TOP1MT: variants seen among roughly 807,000 people sequenced by gnomAD.
TOP1MT encodes the protein DNA topoisomerase I mitochondrial.
In TOP1MT, 80 loss-of-function variants were observed where a neutral mutation model predicts 73.9. The observed-to-expected ratio is 1.08, with a 90% CI of 0.90 to 1.30. The LOEUF (loss-of-function observed/expected upper bound fraction) is 1.30, where lower values mean the gene tolerates loss of function less well. TOP1MT is among the 50% of genes most tolerant of loss of function. TOP1MT has a pLI of 0.00. For missense variants in TOP1MT, 815 were observed against 808.0 expected (o/e 1.01, Z -0.10); for synonymous variants, 338 against 326.4 (o/e 1.04, Z -0.38).
intron 4 of TOP1MT, among the ~76,000 whole-genome samples, 167 bp downstream of exon 4, chr8:143,326,055 C>A (rs918530336): frequency 3.3e-5 from 5 of 152,204 alleles, no homozygotes; most frequent in African/African-American, 7.2e-5. Flanking sequence ...TCTGGGGAAG[C>A]GGAACGACAC....
intron 8 of TOP1MT, among the ~76,000 whole-genome samples, chr8:143,320,437 T>A (rs947290287): frequency 6.6e-5 from 10 of 152,214 alleles, no homozygotes; most frequent in African/African-American, 2.4e-4. Flanking sequence ...GCTGTTTTTT[T>A]AAATTATTAT....
chr8:143,314,377 C>T (rs1816094789), intron 12 of TOP1MT, among the ~76,000 whole-genome samples: 2 of 152,124 alleles, frequency 1.3e-5, no homozygotes, highest in Admixed American at 6.6e-5. Flanking sequence ...GCAGGAGGAT[C>T]ACTTGAGGCC....
At chr8:143,338,583 T>TA (rs1252958758), upstream of TOP1MT, among the ~76,000 whole-genome samples, 1 of 151,964 alleles carries the variant, frequency 6.6e-6, no homozygotes, top group Non-Finnish European at 1.5e-5. Context: ...AAAAAAATGT[T>TA]AATTTTAAAA....
At chr8:143,359,015 G>T (rs1048600398), upstream of TOP1MT, among the ~76,000 whole-genome samples, 32 of 129,900 alleles carry the variant, frequency 2.5e-4, no homozygotes, top group Middle Eastern at 3.6e-3. Flanking sequence ...CTGTTTTTTG[G>T]TTTTTTTTTT....
intron 1 of TOP1MT, among the ~76,000 whole-genome samples, chr8:143,354,096 C>T (rs1007667722): frequency 6.6e-6 from 1 of 151,090 alleles, no homozygotes; most frequent in Non-Finnish European, 1.5e-5. Context: ...CAGACAAACA[C>T]TTATAAAGAA....
chr8:143,350,687 A>T (rs1817306184), intron 1 of TOP1MT, among the ~76,000 whole-genome samples: 1 of 152,248 alleles, frequency 6.6e-6, no homozygotes, highest in Non-Finnish European at 1.5e-5. Flanking sequence ...CGGAGTGCTC[A>T]AATTCCCTAA....
At position 143,309,439 on chromosome 8, in the gene TOP1MT, C is replaced by T. The variant is rs766705958; in HGVS notation, c.*2G>A. 3 of 1,613,364 alleles carry T rather than the reference C, an allele frequency of 1.9e-6. No homozygotes were observed. The highest frequency in any genetic ancestry group is 1.3e-5 in the African/African-American group (1 of 75,048). On this transcript the variant is annotated 3_prime_UTR_variant, in exon 14 of 14. Transcript: ENST00000329245. ...CAAAAGAAGTTTCAACACGGCTCGT[C>T]GTTAGAATTCAAAGTCTTCTCCTGC...
chr8:143,358,136 A>T (rs1336144493), upstream of TOP1MT, among the ~76,000 whole-genome samples: 1 of 152,218 alleles, frequency 6.6e-6, no homozygotes, highest in Non-Finnish European at 1.5e-5. Context: ...CACAGTAAAT[A>T]AAAGGCTGGA....
upstream of TOP1MT, among the ~76,000 whole-genome samples, chr8:143,356,263 G>A (rs1334935703): frequency 6.6e-6 from 1 of 152,146 alleles, no homozygotes; most frequent in African/African-American, 2.4e-5. Context: ...AGCCGTCAAA[G>A]GATTCCAGGT....
chr8:143,331,038 C>A (rs1049216281), intron 2 of TOP1MT, among the ~76,000 whole-genome samples, 186 bp downstream of exon 2: 1 of 152,184 alleles, frequency 6.6e-6, no homozygotes, highest in Non-Finnish European at 1.5e-5. Context: ...AGCCCCCGAA[C>A]TGCCACCCTC....
chr8:143,322,616 GCC>G (rs1491522696), intron 7 of TOP1MT, among the ~76,000 whole-genome samples: 2 of 90,202 alleles, frequency 2.2e-5, no homozygotes, highest in Non-Finnish European at 4.0e-5. Context: ...ACACATGCAT[GCC>G]ACACAGGCAC....
Position 143,318,099 on chromosome 8 carries a change from G to C in TOP1MT, c.1147-13C>G. ...AGTTCTTGTACACCTGAAGGAGAAA[G>C]AAGGAATTTCAGAGGACAGAAAAAA... On this transcript the variant is annotated splice_polypyrimidine_tract_variant and intron_variant, in intron 8 of 13. Transcript: ENST00000329245. The C allele has an allele frequency of 6.2e-7, 1 of 1,613,688 alleles. No homozygotes were observed. Among genetic ancestry groups the C allele is most frequent in the Non-Finnish European group, 8.5e-7 (1 of 1,179,622 alleles).
At chr8:143,355,422 T>A (rs1305818163) in intron 1 of TOP1MT, 1 of 152,234 alleles carries the variant, frequency 6.6e-6, no homozygotes, top group Admixed American at 6.5e-5. Context: ...TCCATCGGGC[T>A]CTTTTCTTTG....
intron 11 of TOP1MT, 79 bp from the exon 12 acceptor site, chr8:143,315,900 C>G: frequency 9.3e-6 from 15 of 1,604,596 alleles, no homozygotes; most frequent in Non-Finnish European, 1.3e-5. Flanking sequence ...CCACACCCTA[C>G]GTGCCCACCG....
At chr8:143,339,530 A>G (rs1389378057), upstream of TOP1MT, among the ~76,000 whole-genome samples, 3 of 152,166 alleles carry the variant, frequency 2.0e-5, no homozygotes, top group Non-Finnish European at 4.4e-5. Flanking sequence ...AAGCAATGCC[A>G]GACACACAGC....
rs374232306 is a variant in TOP1MT at position 143,342,227 on chromosome 8, CTAT to C, written c.29+990_29+992del. ...TTATTATTAGAGACAGAGTCTCGCT[CTAT>C]TATTATTATTATTAGAGACAGAGTC... On this transcript the variant is annotated intron_variant, in intron 2 of 5. Transcript: ENST00000518007. 5.7e-3 allele frequency among the ~76,000 whole-genome samples: 340 copies of C among 59,592 alleles called. 44 individuals carry two copies. The highest frequency in any genetic ancestry group is 0.024 in the African/African-American group (288 of 12,054). 39.1% of individuals were successfully genotyped at this position (59,592 alleles called of 152,430 possible).
intron 7 of TOP1MT, among the ~76,000 whole-genome samples, chr8:143,322,236 T>C (rs1332303131): frequency 1.9e-4 from 2 of 10,424 alleles, no homozygotes; most frequent in Non-Finnish European, 3.4e-4. Flanking sequence ...GCCACACACA[T>C]GCATGCCACA....
intron 2 of TOP1MT, among the ~76,000 whole-genome samples, chr8:143,342,949 G>C (rs544209653): frequency 2.6e-5 from 4 of 151,848 alleles, no homozygotes; most frequent in African/African-American, 4.8e-5. Context: ...TTAGTAGAGA[G>C]GGGGTTTCAT....
intron 12 of TOP1MT, among the ~76,000 whole-genome samples, chr8:143,314,525 C>T (rs1472025630): frequency 3.5e-5 from 5 of 143,316 alleles, no homozygotes; most frequent in African/African-American, 1.0e-4. Flanking sequence ...ACCCGGGAGG[C>T]GGAGGTTGCA....
Sources: allele counts gnomAD v4.1 joint callset (sites outside exome capture counted in the v4.1 genomes callset), GRCh38; gene constraint gnomAD v4.1.1; transcripts MANE v1.5; gene names NCBI Gene and HGNC (gene_info 2026-07-23, HGNC 2026-07-21).